The following GFM1 variants were observed in gnomAD, a reference collection of about 807,000 sequenced individuals.
GFM1 encodes the protein G elongation factor mitochondrial 1.
A neutral mutation model predicts 96.2 loss-of-function variants in GFM1; 62 were observed. The ratio of observed to expected loss-of-function variants is 0.64; its 90% CI spans 0.53 to 0.80. The LOEUF (loss-of-function observed/expected upper bound fraction) is 0.80, where lower values mean the gene tolerates loss of function less well. Among genes scored for constraint, GFM1 ranks in the 30% least tolerant of loss-of-function variants. The pLI, the probability that GFM1 is intolerant of heterozygous loss-of-function variation, is 0.00. For synonymous variants in GFM1, 282 were observed against 312.9 expected, an observed-to-expected ratio of 0.90 and a Z score of 1.04; for missense variants, 852 against 916.6, an observed-to-expected ratio of 0.93 and a Z score of 0.91.
At position 158,694,421 on chromosome 3, in the gene GFM1, G is replaced by GAGGATGT. The variant is rs1726478342; in HGVS notation, c.*2954_*2955insAGGATGT. Among the ~76,000 whole-genome samples the GAGGATGT allele has an allele frequency of 6.6e-6, 1 of 152,092 alleles. No individual in the cohort carries two copies. The highest frequency in any genetic ancestry group is 2.4e-5 in the African/African-American group (1 of 41,406). On this transcript the variant is annotated 3_prime_UTR_variant, in exon 18 of 18. Coordinates refer to ENST00000486715, the MANE Select transcript of GFM1 (RefSeq NM_024996.7). The stretch of plus-strand genomic sequence containing the variant: ...CACAGAGGGGAACAACACACACTGG[G>GAGGATGT]GCCTATTGGAGGATGGAGGGTGGGT...
At chr3:158,691,012 T>A (rs772608767) in intron 16 of GFM1, 127 bp from the exon 17 acceptor site, 102 of 697,340 alleles carry the variant, frequency 1.5e-4, no homozygotes, top group Non-Finnish European at 2.5e-4. Context: ...GGCTTTTAAT[T>A]ATTTTAAACT....
In GFM1 at chr3:158,695,177, C is replaced by T. The variant is rs1305810033; in HGVS notation, c.*3710C>T. Among the ~76,000 whole-genome samples, 1 of 151,932 alleles carries T rather than the reference C, an allele frequency of 6.6e-6. No individual in the cohort carries two copies. Among genetic ancestry groups the T allele is most frequent in the Non-Finnish European group, 1.5e-5 (1 of 67,986 alleles). On this transcript the variant is annotated 3_prime_UTR_variant, in exon 18 of 18. Transcript: ENST00000486715. ...TAACCTGAGGTCAGGAGTTCGAGAC[C>T]ACCCTGGCCAACACGGTGAAACCCC... is the stretch of plus-strand genomic sequence containing the variant.
intron 13 of GFM1, among the ~76,000 whole-genome samples, chr3:158,670,119 A>T (rs1195946270): frequency 6.6e-6 from 1 of 152,232 alleles, no homozygotes; most frequent in African/African-American, 2.4e-5. Context: ...GAATCTCTTT[A>T]TGAATTATGC....
chr3:158,682,135 A>G lies in GFM1; in HGVS notation c.1742A>G (p.Gln581Arg). Residue 581 changes from glutamine (Q) to arginine (R), a missense_variant, in exon 14 of 18, where the codon CAG (glutamine) becomes CGG (arginine). Gln to Arg is a conservative substitution (Grantham distance 43). Transcript: ENST00000486715. The part of the protein sequence containing the change: ...DETFGSNIPK[Q>R]FVPAVEKGFL... ...ACATTCGGATCAAATATTCCAAAGC[A>G]GTTTGTGCCTGCTGTAGAAAAGGTA... 1 of 1,613,798 alleles carries G rather than the reference A, an allele frequency of 6.2e-7. No individual in the cohort carries two copies.
rs1033812532 is a variant in GFM1 at position 158,672,203 on chromosome 3, C to G, written c.1601+5817C>G. 3.0e-6 allele frequency: 3 copies of G among 1,002,112 alleles called. No individual in the cohort carries two copies. The African/African-American group carries it at 4.8e-5, about 16-fold the overall frequency. The allele number at this position is 1,002,112 out of a possible 1,614,324, so 62.1% of individuals were successfully genotyped here. ...CATTCCCCCAGAAACCTTAATATCT[C>G]AAGACCAGATACCAGCAGTGTGTCC... On this transcript the variant is annotated intron_variant, in intron 13 of 17. Transcript: ENST00000486715.
chr3:158,662,409 G>A (rs1406019643), intron 10 of GFM1, among the ~76,000 whole-genome samples: 1 of 152,118 alleles, frequency 6.6e-6, no homozygotes, highest in Admixed American at 6.5e-5. Context: ...TGGGAAGGAG[G>A]AACCTATATA....
At chr3:158,670,294 G>A (rs1724151485) in intron 13 of GFM1, among the ~76,000 whole-genome samples, 1 of 152,132 alleles carries the variant, frequency 6.6e-6, no homozygotes, top group African/African-American at 2.4e-5. Flanking sequence ...GTATCAGCTG[G>A]CATTCTATTG....
intron 13 of GFM1, chr3:158,669,694 A>G (rs1218950475): frequency 1.5e-6 from 2 of 1,328,748 alleles, no homozygotes; most frequent in African/African-American, 3.0e-5. Flanking sequence ...TTTAAAGCAT[A>G]GGCTCCTAAT....
intron 13 of GFM1, chr3:158,669,395 T>C: frequency 6.4e-7 from 1 of 1,560,044 alleles, no homozygotes; most frequent in East Asian, 2.3e-5. Flanking sequence ...ATTTTAAGTT[T>C]GAATCAAACA....
intron 15 of GFM1, among the ~76,000 whole-genome samples, chr3:158,688,941 TA>T (rs1200624443): frequency 1.3e-5 from 2 of 152,222 alleles, no homozygotes; most frequent in African/African-American, 2.4e-5. Flanking sequence ...TGAGTAAATA[TA>T]TAAGAAAAAT....
rs111345385 is a variant in GFM1 at position 158,653,440 on chromosome 3, A to T, written c.971A>T (p.Gln324Leu). The change falls in exon 7 of 18, where the codon CAG becomes CTG. Residue 324 changes from glutamine (Q) to leucine (L), a missense_variant. Coordinates refer to ENST00000486715, the MANE Select transcript of GFM1 (RefSeq NM_024996.7). ...TACCTCCCAAATCCATCTGAAGTCC[A>T]GAACTATGCTATTCTCAATAAAGAG... ...LEYLPNPSEV[Q>L]NYAILNKEDD... 1 of 1,613,152 alleles carries T rather than the reference A, an allele frequency of 6.2e-7. No homozygotes were observed. The highest frequency in any genetic ancestry group is 1.3e-5 in the African/African-American group (1 of 74,926).
chr3:158,690,278 C>G lies in GFM1; in HGVS notation c.2025C>G (p.Ile675Met), dbSNP rs1726205507. 6.2e-7 allele frequency: 1 copy of G among 1,613,768 alleles called. No homozygotes were observed. Among genetic ancestry groups the G allele is most frequent in the Non-Finnish European group, 8.5e-7 (1 of 1,179,874 alleles). The change falls in exon 16 of 18, where the codon ATC becomes ATG. Residue 675 changes from isoleucine to methionine, a missense_variant. Transcript: ENST00000486715. ...IAGINRRHGV[I>M]TGQDGVEDYF... ...GAATTAACCGACGCCATGGGGTAAT[C>G]ACTGGGCAAGATGGAGTTGAGGACT...
chr3:158,674,074 CAT>C (rs1463600356), intron 13 of GFM1, among the ~76,000 whole-genome samples: 1 of 148,418 alleles, frequency 6.7e-6, no homozygotes, highest in Non-Finnish European at 1.5e-5. Context: ...GTCTTTCACA[CAT>C]GACCTTTTTT....
At chr3:158,691,242 ATAT>A in intron 17 of GFM1, 50 bp downstream of exon 17, 1 of 1,603,352 alleles carries the variant, frequency 6.2e-7, no homozygotes, top group Non-Finnish European at 8.5e-7. Flanking sequence ...CAGAATGATC[ATAT>A]TATAAAATCT....
chr3:158,686,597 A>G (rs1359128326), intron 15 of GFM1, among the ~76,000 whole-genome samples: 1 of 150,172 alleles, frequency 6.7e-6, no homozygotes, highest in Non-Finnish European at 1.5e-5. Context: ...ATGAATATTA[A>G]CTAAACAGTT....
At chr3:158,673,450 A>C (rs986629528) in intron 13 of GFM1, among the ~76,000 whole-genome samples, 3 of 150,848 alleles carry the variant, frequency 2.0e-5, no homozygotes, top group African/African-American at 7.3e-5. Context: ...TGGAGATTCT[A>C]CCAAAGTTTG....
chr3:158,654,662 A>G (rs779166142), intron 8 of GFM1, 31 bp downstream of exon 8: 2 of 1,317,962 alleles, frequency 1.5e-6, no homozygotes, highest in Non-Finnish European at 2.2e-6. Flanking sequence ...TTTAACTGCT[A>G]TCTGTAGAAT....
chr3:158,645,782 GTA>G lies in GFM1; in HGVS notation c.234+7_234+8del, dbSNP rs1560127256. The G allele has an allele frequency of 6.2e-7, 1 of 1,609,012 alleles. No individual in the cohort carries two copies. The highest frequency in any genetic ancestry group is 1.1e-5 in the South Asian group (1 of 90,986). On this transcript the variant is annotated splice_donor_variant and splice_donor_region_variant and intron_variant, in intron 2 of 17. Coordinates refer to ENST00000486715, the MANE Select transcript of GFM1 (RefSeq NM_024996.7). LOFTEE classifies it high-confidence loss of function. The stretch of plus-strand genomic sequence containing the variant: ...TGGCAGAATTGCAAAGATGCATGAG[GTA>G]TATATTCACGGTTGATTCCGGATTA...
intron 14 of GFM1, among the ~76,000 whole-genome samples, chr3:158,684,224 G>T (rs1362751256): frequency 6.6e-6 from 1 of 151,660 alleles, no homozygotes; most frequent in African/African-American, 2.4e-5. Context: ...GAGAAGGAGA[G>T]GATCAGAAAA....
Sources: allele counts gnomAD v4.1 joint callset (sites outside exome capture counted in the v4.1 genomes callset), GRCh38; gene constraint gnomAD v4.1.1; transcripts MANE v1.5; gene names NCBI Gene and HGNC (gene_info 2026-07-23, HGNC 2026-07-21).